The following DOCK8 variants were observed in gnomAD, a reference collection of about 807,000 sequenced individuals.
The protein encoded by DOCK8 is dedicator of cytokinesis 8, also known as dedicator of cytokinesis protein 8.
Under a neutral mutation model 245.6 loss-of-function variants are expected in DOCK8, and 141 were observed. The observed-to-expected ratio is 0.57, with a 90% CI of 0.50 to 0.66. DOCK8 has a LOEUF of 0.66. Ranked by LOEUF, DOCK8 falls within the 30% of genes least tolerant of loss-of-function variation. The pLI is 0.00. For missense variants in DOCK8, 2,965 were observed against 2,603.4 expected, an observed-to-expected ratio of 1.14 and a Z score of -3.02; for synonymous variants, 1,168 against 970.2, an observed-to-expected ratio of 1.20 and a Z score of -3.79.
intron 1 of DOCK8, among the ~76,000 whole-genome samples, chr9:223,204 A>G (rs975850746): frequency 1.3e-5 from 2 of 152,224 alleles, no homozygotes; most frequent in African/African-American, 4.8e-5. Flanking sequence ...ACAAATAGCT[A>G]AACTGGAACT....
chr9:327,015 C>G (rs897024146), intron 8 of DOCK8, among the ~76,000 whole-genome samples: 6 of 152,224 alleles, frequency 3.9e-5, no homozygotes, highest in Non-Finnish European at 7.3e-5. Context: ...ACATCATGCT[C>G]TTGCTCAGAA....
At position 403,888 on chromosome 9, in the gene DOCK8, CTCTCTATA is replaced by C. The variant is rs1420711146; in HGVS notation, c.3235-1028_3235-1021del. Among the ~76,000 whole-genome samples, 39 of 85,056 alleles carry C rather than the reference CTCTCTATA, an allele frequency of 4.6e-4. 1 individual carries two copies. Among genetic ancestry groups the C allele is most frequent in the East Asian group, 1.1e-3 (3 of 2,686 alleles). 55.8% of individuals were successfully genotyped at this position (85,056 alleles called of 152,430 possible). A position where few individuals can be genotyped will look rare whatever the true frequency, so the allele number is the denominator to read the frequency against. ...TCTCTCTCTCTCTCTCTCTCTCTCT[CTCTCTATA>C]TATATATATATATATATATACATAT... is the stretch of plus-strand genomic sequence containing the variant. On this transcript the variant is annotated intron_variant, in intron 26 of 47. Transcript: ENST00000432829.
chr9:399,650 G>A lies in DOCK8; in HGVS notation c.3234+391G>A, dbSNP rs137891284. ...TATTAGGGTAATTAATTAAATTGCT[G>A]TTGTGATGCTCCGACTTGAAAGAAC... On this transcript the variant is annotated intron_variant, in intron 26 of 47. Transcript: ENST00000432829. 4.3e-4 allele frequency among the ~76,000 whole-genome samples: 66 copies of A among 152,072 alleles called. 4 individuals are homozygous for A. Among genetic ancestry groups the A allele is most frequent in the African/African-American group, 1.6e-3 (66 of 41,408 alleles).
At chr9:287,565 A>G (rs111290537) in intron 3 of DOCK8, among the ~76,000 whole-genome samples, 2,049 of 152,234 alleles carry the variant, frequency 0.013, 39 homozygotes, top group African/African-American at 0.046. Flanking sequence ...ATCACAGTTT[A>G]AGGAGGTTGG....
chr9:459,489 A>T (rs2057737481), intron 46 of DOCK8, among the ~76,000 whole-genome samples: 1 of 152,246 alleles, frequency 6.6e-6, no homozygotes, highest in Non-Finnish European at 1.5e-5. Context: ...TTAGTGGCTT[A>T]AAAGAAAATT....
rs533906195 is a variant in DOCK8, at chr9:249,646, G to A, written c.54-21981G>A. ...TTTTTATTTTTTGAGACGGAGTCTCGCCCTGTTGCCCAGGCTGGAGTGGTG... is the reference window on the plus strand; with the variant it reads ...TTTTTATTTTTTGAGACGGAGTCTCACCCTGTTGCCCAGGCTGGAGTGGTG... On this transcript the variant is annotated intron_variant, in intron 1 of 47. Coordinates refer to ENST00000432829, the MANE Select transcript of DOCK8 (RefSeq NM_203447.4). Among the ~76,000 whole-genome samples the A allele has an allele frequency of 4.1e-3, 616 of 151,416 alleles. 4 individuals carry two copies. Among genetic ancestry groups the A allele is most frequent in the Non-Finnish European group, 5.0e-3 (337 of 67,882 alleles).
At chr9:255,950 C>T (rs1414679675) in intron 1 of DOCK8, among the ~76,000 whole-genome samples, 1 of 152,046 alleles carries the variant, frequency 6.6e-6, no homozygotes, top group African/African-American at 2.4e-5. Flanking sequence ...ACGATTTCAC[C>T]AAAACAAATA....
Position 334,246 on chromosome 9 carries a change from C to G in DOCK8, c.1147C>G (p.Leu383Val), listed in dbSNP as rs1412126749. The change falls in exon 11 of 48, where the codon CTA becomes GTA. Residue 383 changes from leucine to valine, a missense_variant. Transcript: ENST00000432829. ...GGKSKEKIEK[L>V]KLQAESFCQR... ...CCAGAGTAAAGAAAAGATTGAAAAA[C>G]TAAAACTCCAAGCTGAATCCTTCTG... The G allele has an allele frequency of 1.5e-5, 25 of 1,614,062 alleles. No homozygotes were observed. Among genetic ancestry groups the G allele is most frequent in the African/African-American group, 5.3e-5 (4 of 74,920 alleles).
intron 1 of DOCK8, among the ~76,000 whole-genome samples, chr9:269,568 T>G (rs2048110832): frequency 3.3e-5 from 5 of 149,618 alleles, no homozygotes; most frequent in Admixed American, 2.7e-4. Context: ...TTTTTTTTTT[T>G]TTTTTGCAAC....
At chr9:241,965 G>T (rs752054136) in intron 1 of DOCK8, among the ~76,000 whole-genome samples, 3 of 152,110 alleles carry the variant, frequency 2.0e-5, no homozygotes, top group Non-Finnish European at 2.9e-5. Context: ...GGCAAAATTA[G>T]GTATCAACTG....
At chr9:273,079 T>G in intron 2 of DOCK8, 1 of 985,440 alleles carries the variant, frequency 1.0e-6, no homozygotes. Context: ...TTACGCGCCG[T>G]GTAACTGTGA....
chr9:240,952 C>G (rs1297616694), intron 1 of DOCK8, among the ~76,000 whole-genome samples: 2 of 152,088 alleles, frequency 1.3e-5, no homozygotes, highest in African/African-American at 4.8e-5. Context: ...AATATTGTTT[C>G]TTTTTCCTCT....
In DOCK8 at chr9:280,882, C is replaced by G. The variant is rs141524449; in HGVS notation, c.157-5579C>G. 1,043 of 152,370 alleles carry G rather than the reference C, an allele frequency of 6.8e-3. 9 individuals carry two copies. Among genetic ancestry groups the G allele is most frequent in the Non-Finnish European group, 0.011 (728 of 68,048 alleles). 9.4% of individuals were successfully genotyped at this position (152,370 alleles called of 1,614,324 possible). On this transcript the variant is annotated intron_variant, in intron 2 of 47. Transcript: ENST00000432829. ...ATGTAGTTCAGCCTAGCCACGTTGACACATCATGAAGCCGTCACAAAAGGT... is the reference window on the plus strand; with the variant it reads ...ATGTAGTTCAGCCTAGCCACGTTGAGACATCATGAAGCCGTCACAAAAGGT...
chr9:323,460 A>C (rs2050614879), intron 7 of DOCK8, among the ~76,000 whole-genome samples: 1 of 151,890 alleles, frequency 6.6e-6, no homozygotes, highest in Non-Finnish European at 1.5e-5. Flanking sequence ...TGACCTCATG[A>C]TCCGCTTGCC....
chr9:379,899 C>A lies in DOCK8; in HGVS notation c.2569C>A (p.Arg857Ser), dbSNP rs749747387. The A allele has an allele frequency of 2.5e-6, 4 of 1,614,016 alleles. No homozygotes were observed. Among genetic ancestry groups the A allele is most frequent in the African/African-American group, 1.3e-5 (1 of 74,928 alleles). The change falls in exon 21 of 48, where the codon CGC becomes AGC. Residue 857 changes from arginine (R) to serine (S), a missense_variant. By Grantham distance (110) the Arg-to-Ser change is moderately radical. Around this residue, in one of 3 missense-constraint regions of DOCK8, gnomAD observed 2,825 missense variants for 2,453.5 expected, o/e 1.15. Coordinates refer to ENST00000432829, the MANE Select transcript of DOCK8 (RefSeq NM_203447.4). ...GGCTTCCTACGTGCACTACGTCTTC[C>A]GCCTGCCAGAGGTGCAAAGGGATGT... The part of the protein sequence containing the change: ...LLASYVHYVF[R>S]LPEVQRDVPK...
At chr9:444,900 A>G (rs1387468922) in intron 43 of DOCK8, among the ~76,000 whole-genome samples, 1 of 152,242 alleles carries the variant, frequency 6.6e-6, no homozygotes, top group Non-Finnish European at 1.5e-5. Context: ...GTGCAAGTGC[A>G]AGGTATCATT....
intron 23 of DOCK8, among the ~76,000 whole-genome samples, chr9:389,274 C>T (rs79173971): frequency 1.5e-3 from 226 of 152,286 alleles, no homozygotes; most frequent in African/African-American, 5.2e-3. Flanking sequence ...AACACATAGC[C>T]AGATATGCTG....
intron 23 of DOCK8, 130 bp downstream of exon 23, chr9:386,556 C>A (rs7862253): frequency 6.6e-6 from 5 of 757,368 alleles, no homozygotes; most frequent in Admixed American, 2.0e-5. Flanking sequence ...ACACACACAC[C>A]CCACACACAC....
intron 23 of DOCK8, among the ~76,000 whole-genome samples, chr9:390,193 G>C (rs778961669): frequency 6.6e-6 from 1 of 152,092 alleles, no homozygotes; most frequent in African/African-American, 2.4e-5. Context: ...TGTTTCCCCC[G>C]TAGAATAGAG....
Sources: gnomAD v4.1 joint callset for allele counts (sites outside exome capture counted in the v4.1 genomes callset) on GRCh38, gnomAD v4.1.1 for gene constraint, gnomAD v4.1.1 regional missense constraint, MANE v1.5 for transcripts, NCBI Gene and HGNC (gene_info 2026-07-23, HGNC 2026-07-21) for gene names.